TSTD2: variants seen among roughly 807,000 people sequenced by gnomAD.
TSTD2 encodes thiosulfate sulfurtransferase like domain containing 2.
TSTD2 carries 37 observed loss-of-function variants against 47.9 expected under a neutral mutation model. That is an observed-to-expected ratio of 0.77 (90% CI 0.59 to 1.02). The LOEUF (loss-of-function observed/expected upper bound fraction) is 1.02. Among genes scored for constraint, TSTD2 ranks in the 50% least tolerant of loss-of-function variants. The pLI, the probability that TSTD2 is intolerant of heterozygous loss-of-function variation, is 0.00. For missense variants in TSTD2, 586 were observed against 616.0 expected (o/e 0.95, Z 0.52); for synonymous variants, 201 against 215.9 (o/e 0.93, Z 0.61).
chr9:97,627,457 T>C lies in TSTD2; in HGVS notation c.106A>G (p.Ser36Gly), dbSNP rs1430536232. 1.9e-6 allele frequency: 3 copies of C among 1,613,246 alleles called. No homozygotes were observed. The Admixed American group carries it at 5.0e-5, about 27-fold the overall frequency. ...KDMSLINPSS[S>G]LKAELDGSTK... ...CTGCCATCTAATTCTGCTTTAAGAC[T>C]GCTGCTGGGATTAATAAGACTCATA... The change falls in exon 2 of 10, where the codon AGT becomes GGT. Residue 36 changes from serine (S) to glycine (G), a missense_variant. Ser to Gly is a moderately conservative substitution (Grantham distance 56). Transcript: ENST00000341170.
chr9:97,600,456 T>C lies in TSTD2; in HGVS notation c.*2013A>G. The stretch of plus-strand genomic sequence containing the variant: ...AATTTAATACTGGAGTTAGAACTTT[T>C]TCCTTATTGAATGCCAACCTTATGA... On this transcript the variant is annotated 3_prime_UTR_variant, in exon 10 of 10. Transcript: ENST00000341170. 2 of 985,646 alleles carry C rather than the reference T, an allele frequency of 2.0e-6. No homozygotes were observed. Among genetic ancestry groups the C allele is most frequent in the Non-Finnish European group, 2.4e-6 (2 of 830,074 alleles). 61.1% of individuals were successfully genotyped at this position (985,646 alleles called of 1,614,324 possible).
intron 7 of TSTD2, 72 bp from the exon 8 acceptor site, chr9:97,605,713 A>G (rs1587975613): frequency 6.3e-7 from 1 of 1,582,832 alleles, no homozygotes; most frequent in Non-Finnish European, 8.6e-7. Flanking sequence ...TTCTTTTTGT[A>G]CCCAACAAAC....
At chr9:97,619,621 A>G (rs1285864881) in intron 3 of TSTD2, among the ~76,000 whole-genome samples, 1 of 152,094 alleles carries the variant, frequency 6.6e-6, no homozygotes, top group Admixed American at 6.5e-5. Context: ...GATTATAGGA[A>G]TAAGTCACTG....
chr9:97,602,473 A>G lies in TSTD2; in HGVS notation c.1547T>C (p.Met516Thr), dbSNP rs772250062. The change falls in exon 10 of 10, where the codon ATG becomes ACG. Residue 516 changes from methionine to threonine, a missense_variant. Coordinates refer to ENST00000341170, the MANE Select transcript of TSTD2 (RefSeq NM_139246.5). ...PDADEDGPVL[M>T] The stretch of plus-strand genomic sequence containing the variant: ...GGAAAATGCCAAAGGTGCTGCTCAC[A>G]TAAGCACTGGCCCATCCTCATCAGC... The G allele has an allele frequency of 1.8e-5, 29 of 1,603,120 alleles. No individual in the cohort carries two copies. Among genetic ancestry groups the G allele is most frequent in the Middle Eastern group, 3.3e-4 (2 of 6,026 alleles).
intron 4 of TSTD2, among the ~76,000 whole-genome samples, chr9:97,616,374 T>C (rs1197364266): frequency 6.6e-6 from 1 of 152,034 alleles, no homozygotes; most frequent in African/African-American, 2.4e-5. Flanking sequence ...CTGAAAGAGT[T>C]TGAGGAGGGA....
chr9:97,621,575 C>T (rs965922662), intron 3 of TSTD2, among the ~76,000 whole-genome samples: 12 of 152,126 alleles, frequency 7.9e-5, no homozygotes, highest in Non-Finnish European at 8.8e-5. Context: ...AATGCATTCC[C>T]GGGTGGTCCT....
intron 3 of TSTD2, among the ~76,000 whole-genome samples, chr9:97,618,630 G>A (rs747743716): frequency 3.3e-5 from 5 of 152,218 alleles, no homozygotes; most frequent in African/African-American, 4.8e-5. Context: ...AAGTCTTGCA[G>A]TAACAACATT....
intron 9 of TSTD2, chr9:97,603,014 T>A (rs1283630049): frequency 2.5e-6 from 1 of 408,116 alleles, no homozygotes; most frequent in Admixed American, 4.5e-5. Flanking sequence ...TTTTTCTTTT[T>A]CCCATCTAGA....
Position 97,625,980 on chromosome 9 carries a change from G to T in TSTD2, c.183C>A (p.Val61=). ...FAKKKAFALF[V]KTKEVPTKRS... is the part of the protein sequence containing the mutation. ...TTTTTGTTGGAACTTCTTTGGTTTT[G>T]ACAAAAAGGGCAAAGGCCTGCAATT... The change falls in exon 3 of 10, where the codon GTC becomes GTA. Residue 61 remains valine (V), a synonymous_variant. Coordinates refer to ENST00000341170, the MANE Select transcript of TSTD2 (RefSeq NM_139246.5). The T allele has an allele frequency of 6.2e-7, 1 of 1,609,564 alleles. No homozygotes were observed. Among genetic ancestry groups the T allele is most frequent in the South Asian group, 1.1e-5 (1 of 90,340 alleles).
intron 1 of TSTD2, among the ~76,000 whole-genome samples, chr9:97,628,225 G>C (rs1177453369): frequency 1.3e-5 from 2 of 152,190 alleles, no homozygotes; most frequent in African/African-American, 4.8e-5. Flanking sequence ...CAGAAGAAAT[G>C]TCAAAATCGC....
chr9:97,601,720 T>A lies in TSTD2; in HGVS notation c.*749A>T. ...TAAAGGAATGGGTGTGGCTGTTCAA[T>A]AAACTATACAGTTGACCCTTGAACA... On this transcript the variant is annotated 3_prime_UTR_variant, in exon 10 of 10. Transcript: ENST00000341170. 6.3e-6 allele frequency: 2 copies of A among 315,670 alleles called. No individual in the cohort carries two copies. The highest frequency in any genetic ancestry group is 9.2e-6 in the Non-Finnish European group (2 of 217,392). The allele number at this position is 315,670 out of a possible 1,614,324, so 19.6% of individuals were successfully genotyped here.
At chr9:97,626,739 G>A (rs1303446130) in intron 2 of TSTD2, among the ~76,000 whole-genome samples, 2 of 151,992 alleles carry the variant, frequency 1.3e-5, no homozygotes, top group Admixed American at 6.6e-5. Context: ...AAAAATTGAG[G>A]GGTCAAAGAA....
chr9:97,604,921 G>A, intron 8 of TSTD2, 56 bp from the exon 9 acceptor site: 1 of 1,599,718 alleles, frequency 6.3e-7, no homozygotes, highest in South Asian at 1.1e-5. Context: ...CTGTTAAGAT[G>A]CTCACGGAAG....
Position 97,606,073 on chromosome 9 carries a change from G to C in TSTD2, c.954+70C>G, listed in dbSNP as rs1458272705. On this transcript the variant is annotated intron_variant, in intron 7 of 9. Coordinates refer to ENST00000341170, the MANE Select transcript of TSTD2 (RefSeq NM_139246.5). ...GGTGGGCACACACAAGGTCCCCTTGGGAAATATACCACACTGTGGGAATGG... is the reference window on the plus strand; with the variant it reads ...GGTGGGCACACACAAGGTCCCCTTGCGAAATATACCACACTGTGGGAATGG... The C allele has an allele frequency of 2.8e-5, 32 of 1,159,352 alleles. No individual in the cohort carries two copies. In the Admixed American group the frequency reaches 6.1e-4, roughly 22 times the overall value. The allele number at this position is 1,159,352 out of a possible 1,614,324, so 71.8% of individuals were successfully genotyped here. A position where few individuals can be genotyped will look rare whatever the true frequency, so the allele number is the denominator to read the frequency against.
intron 4 of TSTD2, among the ~76,000 whole-genome samples, chr9:97,613,180 T>A (rs1826485982): frequency 6.6e-6 from 1 of 152,112 alleles, no homozygotes; most frequent in African/African-American, 2.4e-5. Flanking sequence ...GCACCAGAAA[T>A]GAAAAGAACT....
intron 6 of TSTD2, among the ~76,000 whole-genome samples, chr9:97,608,592 C>T (rs1189830429): frequency 6.6e-5 from 10 of 152,260 alleles, no homozygotes; most frequent in African/African-American, 1.7e-4. Context: ...GCTGAAATCA[C>T]GCCACTGCAC....
intron 1 of TSTD2, among the ~76,000 whole-genome samples, chr9:97,631,843 C>CAA (rs57184912): frequency 2.7e-4 from 39 of 147,034 alleles, no homozygotes; most frequent in East Asian, 1.6e-3. Flanking sequence ...GACCCTGTCT[C>CAA]AAAAAAAAAA....
In TSTD2 at chr9:97,625,995, G is replaced by A. The variant is rs1826714256; in HGVS notation, c.168C>T (p.Ala56=). The A allele has an allele frequency of 3.7e-6, 6 of 1,605,572 alleles. No homozygotes were observed. The highest frequency in any genetic ancestry group is 2.7e-5 in the African/African-American group (2 of 74,172). Residue 56 remains alanine, a splice_region_variant and synonymous_variant, in exon 3 of 10, where the codon GCC becomes GCT. Coordinates refer to ENST00000341170, the MANE Select transcript of TSTD2 (RefSeq NM_139246.5). ...KKKYSFAKKK[A]FALFVKTKEV... The stretch of plus-strand genomic sequence containing the variant: ...CTTTGGTTTTGACAAAAAGGGCAAA[G>A]GCCTGCAATTAGATTTCAAATGCTA...
intron 6 of TSTD2, among the ~76,000 whole-genome samples, chr9:97,608,415 C>G (rs937039253): frequency 2.0e-5 from 3 of 152,060 alleles, no homozygotes; most frequent in Non-Finnish European, 4.4e-5. Context: ...GTGGGCAGAT[C>G]ACTTGAGGTC....
Sources: gnomAD v4.1 joint callset for allele counts (sites outside exome capture counted in the v4.1 genomes callset) on GRCh38, gnomAD v4.1.1 for gene constraint, MANE v1.5 for transcripts, NCBI Gene and HGNC (gene_info 2026-07-23, HGNC 2026-07-21) for gene names.